The following CASK variants were observed in gnomAD, a reference collection of about 807,000 sequenced individuals.
CASK encodes the protein peripheral plasma membrane protein CASK.
CASK carries 4 observed loss-of-function variants against 82.9 expected under a neutral mutation model. The ratio of observed to expected loss-of-function variants is 0.05; its 90% CI spans 0.02 to 0.11. The LOEUF is 0.11. Among genes scored for constraint, CASK ranks in the 10% least tolerant of loss-of-function variants. The pLI is 1.00. For synonymous variants in CASK, 259 were observed against 253.5 expected (o/e 1.02, Z -0.20); for missense variants, 358 against 720.9 (o/e 0.50, Z 5.76).
intron 21 of CASK, among the ~76,000 whole-genome samples, chrX:41,550,783 C>T (rs760181430): frequency 1.4e-4 from 15 of 108,607 alleles, no homozygotes; most frequent in South Asian, 8.1e-4. Context: ...TGGTGGTGCA[C>T]GCCTGTTGTC....
intron 3 of CASK, among the ~76,000 whole-genome samples, chrX:41,764,691 C>T (rs1308959405): frequency 8.9e-6 from 1 of 111,863 alleles, no homozygotes; most frequent in Non-Finnish European, 1.9e-5. Context: ...CTGTTGCTCT[C>T]TGCTGACACT....
intron 15 of CASK, among the ~76,000 whole-genome samples, chrX:41,575,777 A>G (rs996401158): frequency 9.0e-6 from 1 of 111,332 alleles, no homozygotes; most frequent in African/African-American, 3.3e-5. Context: ...TATATTTCAC[A>G]TAAAATAATT....
intron 5 of CASK, among the ~76,000 whole-genome samples, chrX:41,720,522 A>C (rs1441179665): frequency 8.9e-6 from 1 of 112,444 alleles, no homozygotes; most frequent in Non-Finnish European, 1.9e-5. Flanking sequence ...ATGTGTACTA[A>C]ATTAGTCATG....
At chrX:41,764,879 C>T (rs1437761604) in intron 3 of CASK, among the ~76,000 whole-genome samples, 3 of 112,108 alleles carry the variant, frequency 2.7e-5, no homozygotes, top group Non-Finnish European at 5.6e-5. Context: ...CAAGATAAAC[C>T]CCAAATCCTT....
intron 5 of CASK, among the ~76,000 whole-genome samples, chrX:41,691,840 C>CAAA (rs397895684): frequency 8.6e-3 from 238 of 27,586 alleles, no homozygotes; most frequent in Admixed American, 0.011. Context: ...GACTCTGTCT[C>CAAA]AAAAAAAAAA....
chrX:41,769,943 TCAA>T (rs753101943), intron 3 of CASK, among the ~76,000 whole-genome samples: 8 of 110,406 alleles, frequency 7.2e-5, no homozygotes, highest in East Asian at 5.7e-4. Context: ...AGACCCTGTC[TCAA>T]CAACAACAAC....
At chrX:41,526,580 T>C (rs1299098125) in intron 25 of CASK, among the ~76,000 whole-genome samples, 2 of 112,225 alleles carry the variant, frequency 1.8e-5, no homozygotes, top group Non-Finnish European at 3.8e-5. Context: ...TCTATATCCA[T>C]AGACTGCACT....
At chrX:41,868,806 C>T (rs1236653465) in intron 1 of CASK, among the ~76,000 whole-genome samples, 3 of 111,381 alleles carry the variant, frequency 2.7e-5, no homozygotes, top group Non-Finnish European at 5.7e-5. Flanking sequence ...CTGGCGCATA[C>T]GAACAACAGG....
Position 41,854,081 on chromosome X carries a change from A to G in CASK, c.60-854T>C, listed in dbSNP as rs138016449. On this transcript the variant is annotated intron_variant, in intron 1 of 26. Transcript: ENST00000378163. ...CTTCAAATTAGAATTGTTTGAAATT[A>G]CTAGAGGAAAGGAAGTAATTTCTAT... Among the ~76,000 whole-genome samples, 386 of 112,080 alleles carry G rather than the reference A, an allele frequency of 3.4e-3. 2 individuals carry two copies. Among genetic ancestry groups the G allele is most frequent in the African/African-American group, 0.012 (368 of 30,814 alleles).
At chrX:41,744,634 G>A (rs1177694181) in intron 4 of CASK, among the ~76,000 whole-genome samples, 2 of 111,266 alleles carry the variant, frequency 1.8e-5, no homozygotes, top group Non-Finnish European at 1.9e-5. Context: ...ATGAGCCACC[G>A]CGCCCGGCCC....
At chrX:41,872,532 T>C (rs1317717256) in intron 1 of CASK, among the ~76,000 whole-genome samples, 2 of 112,061 alleles carry the variant, frequency 1.8e-5, no homozygotes, top group African/African-American at 6.5e-5. Flanking sequence ...ATGCTGTTCT[T>C]TTAAAAGAAT....
At chrX:41,668,291 A>G (rs1372637637) in intron 6 of CASK, among the ~76,000 whole-genome samples, 2 of 111,844 alleles carry the variant, frequency 1.8e-5, no homozygotes, top group Non-Finnish European at 3.8e-5. Context: ...TAAAGAGGAG[A>G]TAATTGTTAG....
intron 11 of CASK, among the ~76,000 whole-genome samples, chrX:41,616,901 G>T (rs1429975809): frequency 1.8e-5 from 2 of 112,392 alleles, no homozygotes; most frequent in African/African-American, 6.5e-5. Flanking sequence ...GAGCCACAGC[G>T]CCTGGCCCCA....
chrX:41,678,865 C>T (rs1008557012), intron 5 of CASK, among the ~76,000 whole-genome samples: 1 of 109,932 alleles, frequency 9.1e-6, no homozygotes, highest in African/African-American at 3.3e-5. Context: ...CTTTTTAATA[C>T]ACCTTAGCAC....
At chrX:41,690,835 G>A (rs181889130) in intron 5 of CASK, among the ~76,000 whole-genome samples, 1 of 107,284 alleles carries the variant, frequency 9.3e-6, no homozygotes, top group Non-Finnish European at 1.9e-5. Context: ...CACCATACCC[G>A]CTAATTTTTA....
chrX:41,910,433 T>A (rs980515313), intron 1 of CASK, among the ~76,000 whole-genome samples: 3 of 111,810 alleles, frequency 2.7e-5, no homozygotes, highest in Non-Finnish European at 3.8e-5. Context: ...TTAAAATCCC[T>A]TTTTCCTAGT....
chrX:41,894,463 T>C (rs888406906), intron 1 of CASK, among the ~76,000 whole-genome samples: 1 of 111,170 alleles, frequency 9.0e-6, no homozygotes, highest in Admixed American at 9.6e-5. Context: ...ATCCATTTAT[T>C]CTTTTCAATA....
intron 5 of CASK, chrX:41,676,538 G>C: frequency 9.0e-7 from 1 of 1,109,212 alleles, no homozygotes; most frequent in Non-Finnish European, 1.2e-6. Context: ...CCGGCACGCG[G>C]CCTCGCCTGG....
chrX:41,695,422 CCTT>C (rs200866661), intron 5 of CASK: 70,383 of 335,232 alleles, frequency 0.21, 6,270 homozygotes, highest in Non-Finnish European at 0.26. Context: ...TTCAAGCAAT[CCTT>C]CTGCTGTAGC....
Sources: gnomAD v4.1 joint callset for allele counts (sites outside exome capture counted in the v4.1 genomes callset) on GRCh38, gnomAD v4.1.1 for gene constraint, MANE v1.5 for transcripts, NCBI Gene and HGNC (gene_info 2026-07-23, HGNC 2026-07-21) for gene names.